Variants in SLC39A11 observed in about 807,000 individuals in gnomAD.
SLC39A11 encodes solute carrier family 39 member 11.
Under a neutral mutation model 36.1 loss-of-function variants are expected in SLC39A11, and 33 were observed. The observed-to-expected ratio is 0.91, with a 90% CI of 0.69 to 1.22. The LOEUF is 1.22. Ranked by LOEUF, SLC39A11 falls within the 50% of genes most tolerant of loss-of-function variation. The pLI, the probability that SLC39A11 is intolerant of heterozygous loss-of-function variation, is 0.00. For missense variants in SLC39A11, 432 were observed against 430.3 expected, an observed-to-expected ratio of 1.00 and a Z score of -0.03; for synonymous variants, 166 against 170.3, an observed-to-expected ratio of 0.97 and a Z score of 0.20.
At chr17:72,686,912 C>A (rs1049866683) in intron 7 of SLC39A11, among the ~76,000 whole-genome samples, 2 of 152,218 alleles carry the variant, frequency 1.3e-5, no homozygotes, top group African/African-American at 2.4e-5. Context: ...CTAGTCATCA[C>A]CTAGACATGC....
rs1484379150 is a variant in SLC39A11 at position 72,657,109 on chromosome 17, C to T, written c.672-7841G>A. On this transcript the variant is annotated intron_variant, in intron 7 of 9. Transcript: ENST00000255559. ...AGGCACGGTGGCTCACGCCTGTAATCCCAACACTTTGGGAGGCAGAGGTGG... is the reference window on the plus strand; with the variant it reads ...AGGCACGGTGGCTCACGCCTGTAATTCCAACACTTTGGGAGGCAGAGGTGG... Among the ~76,000 whole-genome samples, 3 of 152,142 alleles carry T rather than the reference C, an allele frequency of 2.0e-5. No homozygotes were observed. In the East Asian group the frequency reaches 5.8e-4, roughly 29 times the overall value.
chr17:73,024,822 T>C lies in SLC39A11; in HGVS notation c.306+6734A>G, dbSNP rs139009352. Among the ~76,000 whole-genome samples, 415 of 151,338 alleles carry C rather than the reference T, an allele frequency of 2.7e-3. 1 individual carries two copies. The highest frequency in any genetic ancestry group is 0.017 in the East Asian group (90 of 5,146). On this transcript the variant is annotated intron_variant, in intron 4 of 9. Transcript: ENST00000255559. ...AAGGGATTCTGCTGCCTTAGCCTCC[T>C]GAGTACCTGGGATTACAGACACGCA...
intron 4 of SLC39A11, among the ~76,000 whole-genome samples, chr17:73,006,769 G>A (rs2090204624): frequency 6.6e-6 from 1 of 152,108 alleles, no homozygotes; most frequent in African/African-American, 2.4e-5. Flanking sequence ...TCACACTGCA[G>A]ACAGTACGTG....
intron 7 of SLC39A11, among the ~76,000 whole-genome samples, chr17:72,680,975 T>C (rs987336318): frequency 3.3e-5 from 5 of 152,208 alleles, no homozygotes; most frequent in African/African-American, 1.2e-4. Flanking sequence ...GGAGTCCCAC[T>C]CTGTTGCCCA....
intron 5 of SLC39A11, among the ~76,000 whole-genome samples, chr17:72,899,452 A>G (rs72847961): frequency 0.16 from 24,549 of 152,046 alleles, 4,048 homozygotes; most frequent in African/African-American, 0.42. Flanking sequence ...TGAAGTGGGG[A>G]GCGAAGGAAT....
intron 4 of SLC39A11, among the ~76,000 whole-genome samples, chr17:72,974,227 G>A (rs2087667894): frequency 6.6e-6 from 1 of 152,092 alleles, no homozygotes; most frequent in African/African-American, 2.4e-5. Flanking sequence ...AGCCTCCTGA[G>A]TACCTGGGAT....
intron 3 of SLC39A11, among the ~76,000 whole-genome samples, chr17:73,054,289 G>A (rs1289838797): frequency 6.6e-6 from 1 of 151,798 alleles, no homozygotes; most frequent in Non-Finnish European, 1.5e-5. Context: ...TTGAACCCGG[G>A]AGGCGGAGGT....
intron 6 of SLC39A11, among the ~76,000 whole-genome samples, chr17:72,835,882 T>C (rs2078518080): frequency 6.6e-6 from 1 of 152,196 alleles, no homozygotes; most frequent in Non-Finnish European, 1.5e-5. Flanking sequence ...TAGTAAAGCA[T>C]TTGGTGGCTC....
intron 4 of SLC39A11, among the ~76,000 whole-genome samples, chr17:73,001,634 A>G (rs1313836273): frequency 6.6e-6 from 1 of 152,158 alleles, no homozygotes; most frequent in Non-Finnish European, 1.5e-5. Flanking sequence ...AGAAACAGAG[A>G]AATAGGAAGG....
chr17:73,073,909 T>G (rs2144583431), intron 3 of SLC39A11: 1 of 152,234 alleles, frequency 6.6e-6, no homozygotes, highest in Non-Finnish European at 1.5e-5. Flanking sequence ...CATGAGCCTA[T>G]TCCTTGCATA....
At chr17:73,027,785 G>A (rs904275044) in intron 4 of SLC39A11, among the ~76,000 whole-genome samples, 1 of 152,224 alleles carries the variant, frequency 6.6e-6, no homozygotes, top group African/African-American at 2.4e-5. Flanking sequence ...AGGCATTGGG[G>A]CCTGTGCCTG....
chr17:72,914,093 T>A (rs1384080152), intron 5 of SLC39A11, among the ~76,000 whole-genome samples: 4 of 150,762 alleles, frequency 2.7e-5, no homozygotes, highest in Non-Finnish European at 4.4e-5. Context: ...GGTGGGTGGA[T>A]CACCTGAGAT....
chr17:72,713,900 T>C (rs1057064156), intron 7 of SLC39A11, among the ~76,000 whole-genome samples: 5 of 152,122 alleles, frequency 3.3e-5, no homozygotes, highest in Non-Finnish European at 7.4e-5. Context: ...ATTATACAGA[T>C]TTTAAAAAAG....
At chr17:72,668,524 C>T (rs2070856108) in intron 7 of SLC39A11, among the ~76,000 whole-genome samples, 1 of 152,164 alleles carries the variant, frequency 6.6e-6, no homozygotes, top group Admixed American at 6.5e-5. Context: ...CTGGTTTTGA[C>T]TTTGCAAACA....
chr17:72,950,719 A>G (rs2085799208), intron 4 of SLC39A11, among the ~76,000 whole-genome samples: 1 of 152,204 alleles, frequency 6.6e-6, no homozygotes, highest in Non-Finnish European at 1.5e-5. Flanking sequence ...ATTAATACGC[A>G]TTAAGCTGCA....
chr17:73,050,372 C>A, intron 3 of SLC39A11, among the ~76,000 whole-genome samples: 1 of 141,336 alleles, frequency 7.1e-6, no homozygotes, highest in African/African-American at 2.6e-5. Context: ...ATGACCAAAG[C>A]AGGAAGGGTT....
At chr17:72,783,930 T>C (rs559992871) in intron 6 of SLC39A11, among the ~76,000 whole-genome samples, 1 of 152,242 alleles carries the variant, frequency 6.6e-6, no homozygotes, top group South Asian at 2.1e-4. Flanking sequence ...ACCCAGGGCA[T>C]GGCTGTCCCA....
intron 4 of SLC39A11, among the ~76,000 whole-genome samples, chr17:72,972,310 C>T (rs1044198155): frequency 5.9e-5 from 9 of 152,298 alleles, no homozygotes; most frequent in African/African-American, 1.9e-4. Flanking sequence ...GTGTTCACAG[C>T]CCAGCCAGGT....
intron 5 of SLC39A11, among the ~76,000 whole-genome samples, chr17:72,866,235 T>C (rs1053440504): frequency 2.0e-5 from 3 of 152,210 alleles, no homozygotes; most frequent in Non-Finnish European, 4.4e-5. Context: ...GAACTGCATA[T>C]GTGAGGGATC....
Sources: gnomAD v4.1 joint callset for allele counts (sites outside exome capture counted in the v4.1 genomes callset) on GRCh38, gnomAD v4.1.1 for gene constraint, MANE v1.5 for transcripts, NCBI Gene and HGNC (gene_info 2026-07-23, HGNC 2026-07-21) for gene names.